The following CLPB variants were observed in gnomAD, a reference collection of about 807,000 sequenced individuals.
CLPB encodes the protein ClpB family mitochondrial disaggregase.
In CLPB, 40 loss-of-function variants were observed where a neutral mutation model predicts 78.4. That is an observed-to-expected ratio of 0.51 (90% CI 0.40 to 0.66). CLPB has a LOEUF of 0.66. Ranked by LOEUF, CLPB falls within the 30% of genes least tolerant of loss-of-function variation. The pLI is 0.00. For synonymous variants in CLPB, 333 were observed against 348.0 expected (o/e 0.96, Z 0.48); for missense variants, 780 against 886.9 (o/e 0.88, Z 1.53).
intron 5 of CLPB, among the ~76,000 whole-genome samples, chr11:72,344,052 T>A (rs776850046): frequency 5.3e-5 from 8 of 151,712 alleles, no homozygotes; most frequent in Admixed American, 1.3e-4. Context: ...ATCAGGAGAG[T>A]CTTCCTTCAG....
intron 2 of CLPB, among the ~76,000 whole-genome samples, chr11:72,406,236 G>A (rs917793477): frequency 1.3e-5 from 2 of 152,158 alleles, no homozygotes; most frequent in South Asian, 2.1e-4. Context: ...TAAACTCAGA[G>A]TGACCAAAAT....
Position 72,291,263 on chromosome 11 carries a change from T to G in CLPB, c.*2104A>C, listed in dbSNP as rs530891603. 1 of 152,178 alleles carries G rather than the reference T, an allele frequency of 6.6e-6. No individual in the cohort carries two copies. The highest frequency in any genetic ancestry group is 1.5e-5 in the Non-Finnish European group (1 of 68,038). 9.4% of individuals were successfully genotyped at this position (152,178 alleles called of 1,614,324 possible). A position where few individuals can be genotyped will look rare whatever the true frequency, so the allele number is the denominator to read the frequency against. On this transcript the variant is annotated 3_prime_UTR_variant, in exon 16 of 16. Transcript: ENST00000538039. ...ACATCATCGGGAAAACTGGCAAAAT[T>G]TGAATGTCCGTAGATTAGTTAGTAG...
intron 3 of CLPB, among the ~76,000 whole-genome samples, chr11:72,396,603 T>C (rs987717520): frequency 2.0e-5 from 3 of 152,262 alleles, no homozygotes; most frequent in Non-Finnish European, 4.4e-5. Context: ...AAGAATCATA[T>C]ACTTTATGAA....
chr11:72,344,139 C>T (rs1351814897), intron 5 of CLPB, among the ~76,000 whole-genome samples: 2 of 152,132 alleles, frequency 1.3e-5, no homozygotes, highest in Non-Finnish European at 2.9e-5. Flanking sequence ...ACCTCTTTTT[C>T]CTCCTCTCCA....
intron 3 of CLPB, among the ~76,000 whole-genome samples, chr11:72,381,857 G>A (rs1854925802): frequency 6.6e-6 from 1 of 152,038 alleles, no homozygotes; most frequent in Admixed American, 6.5e-5. Context: ...TTTCACACCA[G>A]TCCCTGCGGC....
chr11:72,302,685 C>T (rs1485434556), intron 9 of CLPB: 1 of 322,338 alleles, frequency 3.1e-6, no homozygotes, highest in South Asian at 3.1e-5. Context: ...TGAGGGCATC[C>T]TGTGTGTGCT....
At chr11:72,298,507 T>G (rs1705653536) in intron 11 of CLPB, among the ~76,000 whole-genome samples, 1 of 152,232 alleles carries the variant, frequency 6.6e-6, no homozygotes, top group South Asian at 2.1e-4. Context: ...TTGGCTCTTT[T>G]TTGTTTTTGA....
chr11:72,394,034 T>C (rs1332363713), intron 3 of CLPB, among the ~76,000 whole-genome samples: 1 of 152,232 alleles, frequency 6.6e-6, no homozygotes, highest in Non-Finnish European at 1.5e-5. Flanking sequence ...GCCTGCTCTC[T>C]AGTCTGATGT....
intron 5 of CLPB, among the ~76,000 whole-genome samples, chr11:72,349,275 C>T (rs1353131034): frequency 5.3e-5 from 8 of 152,212 alleles, no homozygotes; most frequent in Non-Finnish European, 1.0e-4. Context: ...GACCCCTAGT[C>T]AGCACTTTAC....
chr11:72,408,627 A>G (rs1590910789), intron 2 of CLPB, among the ~76,000 whole-genome samples: 1 of 148,906 alleles, frequency 6.7e-6, no homozygotes, highest in Admixed American at 6.8e-5. Flanking sequence ...AGATTGCGCC[A>G]CTGCACTCCA....
At chr11:72,321,956 C>G (rs1191042501) in intron 6 of CLPB, among the ~76,000 whole-genome samples, 2 of 137,210 alleles carry the variant, frequency 1.5e-5, no homozygotes, top group East Asian at 4.2e-4. Flanking sequence ...AAGGGGGTAA[C>G]AGATGAGATG....
chr11:72,334,708 G>A (rs529501434), intron 5 of CLPB, among the ~76,000 whole-genome samples: 2 of 152,342 alleles, frequency 1.3e-5, no homozygotes, highest in South Asian at 4.1e-4. Flanking sequence ...CTGGTCTAGA[G>A]GGCCAGGCCT....
At chr11:72,316,943 G>A (rs941255522) in intron 7 of CLPB, among the ~76,000 whole-genome samples, 163 bp downstream of exon 7, 11 of 152,202 alleles carry the variant, frequency 7.2e-5, no homozygotes, top group African/African-American at 2.7e-4. Flanking sequence ...AGGATTAAAT[G>A]ACACATGACA....
At chr11:72,432,502 G>A (rs1035323980) in intron 1 of CLPB, among the ~76,000 whole-genome samples, 10 of 152,088 alleles carry the variant, frequency 6.6e-5, no homozygotes, top group African/African-American at 1.7e-4. Context: ...ATCCCCCAAC[G>A]ACACATAGCA....
rs67807556 is a variant in CLPB at position 72,297,636 on chromosome 11, G to GGTGTGTGTGTGT, written c.1330-2000_1330-1989dup. ...AGGGCAGTTCTAGTTTTGGGGACCA[G>GGTGTGTGTGTGT]GTGTGTGTGTGTGTGTGTGTGTGTG... On this transcript the variant is annotated intron_variant, in intron 11 of 15. Transcript: ENST00000538039. Among the ~76,000 whole-genome samples the GGTGTGTGTGTGT allele has an allele frequency of 4.2e-3, 393 of 93,438 alleles. 12 individuals carry two copies. The highest frequency in any genetic ancestry group is 6.2e-3 in the Middle Eastern group (1 of 162). 61.3% of individuals were successfully genotyped at this position (93,438 alleles called of 152,430 possible).
chr11:72,407,841 G>GT (rs1417367441), intron 2 of CLPB, among the ~76,000 whole-genome samples: 2 of 152,062 alleles, frequency 1.3e-5, no homozygotes, highest in Admixed American at 6.5e-5. Context: ...CAGAGACGGG[G>GT]TTTCACCGTA....
chr11:72,342,329 C>A (rs915535732), intron 5 of CLPB, among the ~76,000 whole-genome samples: 6 of 152,120 alleles, frequency 3.9e-5, no homozygotes, highest in African/African-American at 9.7e-5. Flanking sequence ...ACAAGGAAAA[C>A]AGCAAAAGCA....
chr11:72,383,618 A>T (rs777191381), intron 3 of CLPB, among the ~76,000 whole-genome samples: 14 of 152,020 alleles, frequency 9.2e-5, no homozygotes, highest in Non-Finnish European at 1.8e-4. Flanking sequence ...GACTTCCAAT[A>T]AGGCTAACAG....
Position 72,289,583 on chromosome 11 carries a change from A to AAAT in CLPB, c.*3781_*3783dup, listed in dbSNP as rs1455811707. The stretch of plus-strand genomic sequence containing the variant: ...ACTCATGATTTTTATTTATTTTTAA[A>AAAT]AATATGAAACGGAGTCTTGCTCTGT... On this transcript the variant is annotated 3_prime_UTR_variant, in exon 16 of 16. Transcript: ENST00000538039. 5.3e-5 allele frequency: 8 copies of AAAT among 152,258 alleles called. No homozygotes were observed. Among genetic ancestry groups the AAAT allele is most frequent in the Admixed American group, 2.0e-4 (3 of 15,302 alleles). The allele number at this position is 152,258 out of a possible 1,614,324, so 9.4% of individuals were successfully genotyped here. A position where few individuals can be genotyped will look rare whatever the true frequency, so the allele number is the denominator to read the frequency against.
Sources: allele counts gnomAD v4.1 joint callset (sites outside exome capture counted in the v4.1 genomes callset), GRCh38; gene constraint gnomAD v4.1.1; transcripts MANE v1.5; gene names NCBI Gene and HGNC (gene_info 2026-07-23, HGNC 2026-07-21).